Variants in CDH4 observed in about 807,000 individuals in gnomAD.
CDH4 encodes the protein cadherin 4, also known as cadherin-4.
A neutral mutation model predicts 86.0 loss-of-function variants in CDH4; 33 were observed. That is an observed-to-expected ratio of 0.38 (90% confidence interval 0.29 to 0.51). CDH4 has a LOEUF of 0.51. CDH4 is among the 20% of genes least tolerant of loss of function. The probability of loss-of-function intolerance (pLI) is 0.86; values close to 1 mark genes in which losing one functional copy is unlikely to be tolerated. For missense variants in CDH4, 1,114 were observed against 1,307.4 expected, an observed-to-expected ratio of 0.85 and a Z score of 2.28; for synonymous variants, 555 against 549.4, an observed-to-expected ratio of 1.01 and a Z score of -0.14.
chr20:61,439,004 A>G (rs550545146), intron 2 of CDH4, among the ~76,000 whole-genome samples: 2 of 152,274 alleles, frequency 1.3e-5, no homozygotes, highest in South Asian at 4.2e-4. Flanking sequence ...CACATTGGGT[A>G]AAGCTTTTCA....
intron 4 of CDH4, among the ~76,000 whole-genome samples, chr20:61,841,569 G>A (rs1395741814): frequency 6.6e-6 from 1 of 152,204 alleles, no homozygotes; most frequent in Admixed American, 6.5e-5. Context: ...CTTTTCCCAT[G>A]GACCGCTGAG....
chr20:61,493,067 C>G (rs112346558), intron 2 of CDH4, among the ~76,000 whole-genome samples: 12 of 152,180 alleles, frequency 7.9e-5, no homozygotes, highest in African/African-American at 2.7e-4. Context: ...GAATGAAGTA[C>G]GTAAATTAGA....
At chr20:61,537,268 T>G (rs1413889532) in intron 2 of CDH4, among the ~76,000 whole-genome samples, 2 of 129,370 alleles carry the variant, frequency 1.5e-5, no homozygotes, top group African/African-American at 9.2e-5. Context: ...AGGTCTAATA[T>G]TTGAAATCCG....
intron 3 of CDH4, among the ~76,000 whole-genome samples, chr20:61,757,058 T>C (rs2088573813): frequency 6.6e-6 from 1 of 152,218 alleles, no homozygotes; most frequent in African/African-American, 2.4e-5. Flanking sequence ...ACCTCCTGGC[T>C]TTGTTTTGAA....
intron 2 of CDH4, chr20:61,738,816 G>A (rs557015468): frequency 7.2e-5 from 11 of 152,496 alleles, no homozygotes; most frequent in African/African-American, 2.4e-4. Flanking sequence ...CCACCTTCAC[G>A]GCAATCCCGC....
intron 2 of CDH4, among the ~76,000 whole-genome samples, chr20:61,656,227 G>A (rs114810784): frequency 0.032 from 3,439 of 108,282 alleles, 166 homozygotes; most frequent in African/African-American, 0.1. Flanking sequence ...GCGGGCAGGC[G>A]CGTGCTGGGG....
At chr20:61,886,640 C>T (rs917328918) in intron 7 of CDH4, among the ~76,000 whole-genome samples, 10 of 152,170 alleles carry the variant, frequency 6.6e-5, no homozygotes, top group Admixed American at 3.3e-4. Flanking sequence ...GGAGAGAGGA[C>T]GCTGGGACGC....
At chr20:61,854,198 A>AGACAGG in intron 6 of CDH4, among the ~76,000 whole-genome samples, 1 of 152,262 alleles carries the variant, frequency 6.6e-6, no homozygotes, top group East Asian at 1.9e-4. Flanking sequence ...TGGAGCCCAG[A>AGACAGG]GCCAGGGCCA....
At chr20:61,694,103 A>C (rs2087691065) in intron 2 of CDH4, among the ~76,000 whole-genome samples, 1 of 151,974 alleles carries the variant, frequency 6.6e-6, no homozygotes, top group Admixed American at 6.6e-5. Context: ...CATGTTGGCC[A>C]GGTTGGTCTT....
intron 2 of CDH4, among the ~76,000 whole-genome samples, chr20:61,579,039 TC>T (rs1390862672): frequency 6.6e-6 from 1 of 152,070 alleles, no homozygotes; most frequent in Admixed American, 6.6e-5. Context: ...GCCGTGATCA[TC>T]CTCAGTCCTG....
intron 3 of CDH4, among the ~76,000 whole-genome samples, chr20:61,768,826 G>T (rs913156519): frequency 6.6e-6 from 1 of 152,146 alleles, no homozygotes; most frequent in Non-Finnish European, 1.5e-5. Context: ...GCAAATATGT[G>T]CAATTTATTT....
At chr20:61,715,917 C>A (rs1211743221) in intron 2 of CDH4, among the ~76,000 whole-genome samples, 1 of 152,196 alleles carries the variant, frequency 6.6e-6, no homozygotes, top group Non-Finnish European at 1.5e-5. Flanking sequence ...TTGGGTGGCC[C>A]CCTCAGAGAC....
intron 2 of CDH4, among the ~76,000 whole-genome samples, chr20:61,498,957 T>C (rs538708327): frequency 6.6e-6 from 1 of 152,078 alleles, no homozygotes; most frequent in Non-Finnish European, 1.5e-5. Context: ...TCGGAATGAG[T>C]CTCCTTCCAG....
At chr20:61,668,590 C>A (rs993150482) in intron 2 of CDH4, among the ~76,000 whole-genome samples, 1 of 152,204 alleles carries the variant, frequency 6.6e-6, no homozygotes, top group Admixed American at 6.5e-5. Flanking sequence ...TCCAGGGCAA[C>A]TCCTCCTGTG....
Position 61,544,198 on chromosome 20 carries a change from C to T in CDH4, c.170-199365C>T, listed in dbSNP as rs542078923. ...TTCTCTTTCAGAGATGATGCTGCCC[C>T]GTCTCCCCAGGGGACCTCGGCAATG... is the stretch of plus-strand genomic sequence containing the variant. On this transcript the variant is annotated intron_variant, in intron 2 of 15. Coordinates refer to ENST00000614565, the MANE Select transcript of CDH4 (RefSeq NM_001794.5). The surrounding 1 kb of genome is among the most constrained non-coding windows in gnomAD (Gnocchi z 6.5). 2.2e-4 allele frequency among the ~76,000 whole-genome samples: 34 copies of T among 152,300 alleles called. No individual in the cohort carries two copies. The highest frequency in any genetic ancestry group is 6.3e-4 in the African/African-American group (26 of 41,572).
intron 6 of CDH4, among the ~76,000 whole-genome samples, chr20:61,857,449 G>C (rs1006197037): frequency 7.2e-5 from 11 of 152,168 alleles, no homozygotes; most frequent in Non-Finnish European, 1.5e-4. Context: ...CCAAAATCAG[G>C]GTTCCCTCCA....
chr20:61,692,939 T>G (rs2087675793), intron 2 of CDH4, among the ~76,000 whole-genome samples: 1 of 152,058 alleles, frequency 6.6e-6, no homozygotes, highest in African/African-American at 2.4e-5. Context: ...AAGCTAGTTG[T>G]GTGAGGAGGT....
chr20:61,275,074 T>C (rs1458940709), intron 2 of CDH4, among the ~76,000 whole-genome samples: 37 of 90,746 alleles, frequency 4.1e-4, no homozygotes, highest in Admixed American at 5.2e-4. Flanking sequence ...TTTGGGGGAG[T>C]ACCATGTGTA....
At chr20:61,756,565 GGGTCCCTCCCCCATCCCCT>G (rs1418908133) in intron 3 of CDH4, among the ~76,000 whole-genome samples, 2 of 21,736 alleles carry the variant, frequency 9.2e-5, no homozygotes, top group African/African-American at 1.6e-4. Context: ...CCTCATCCCC[GGGTCCCTCCCCCATCCCCT>G]GGTCCCTCCC....
Sources: gnomAD v4.1 joint callset for allele counts (sites outside exome capture counted in the v4.1 genomes callset) on GRCh38, gnomAD v4.1.1 for gene constraint, Gnocchi (gnomAD v3.1) non-coding constraint, MANE v1.5 for transcripts, NCBI Gene and HGNC (gene_info 2026-07-23, HGNC 2026-07-21) for gene names.